Variants in STOX2 observed in about 807,000 individuals in gnomAD.
STOX2 encodes storkhead box 2.
A neutral mutation model predicts 60.9 loss-of-function variants in STOX2; 28 were observed. The ratio of observed to expected loss-of-function variants is 0.46; its 90% CI spans 0.34 to 0.63. STOX2 has a LOEUF of 0.63. Among genes scored for constraint, STOX2 ranks in the 30% least tolerant of loss-of-function variants. STOX2 has a pLI of 0.01. For synonymous variants in STOX2, 472 were observed against 463.9 expected, an observed-to-expected ratio of 1.02 and a Z score of -0.22; for missense variants, 1,024 against 1,187.7, an observed-to-expected ratio of 0.86 and a Z score of 2.03.
chr4:183,875,492 G>C (rs576182320), intron 1 of STOX2, among the ~76,000 whole-genome samples: 3 of 152,188 alleles, frequency 2.0e-5, no homozygotes, highest in African/African-American at 7.2e-5. Flanking sequence ...TGTGATAGTC[G>C]GGACTGTGTT....
chr4:183,955,990 C>T (rs1310188320), intron 1 of STOX2, among the ~76,000 whole-genome samples: 1 of 152,068 alleles, frequency 6.6e-6, no homozygotes, highest in Non-Finnish European at 1.5e-5. Flanking sequence ...TCACATAACC[C>T]TATTTCATTC....
chr4:183,989,333 G>A (rs1036988538), intron 1 of STOX2, among the ~76,000 whole-genome samples: 8 of 152,062 alleles, frequency 5.3e-5, no homozygotes, highest in Non-Finnish European at 1.0e-4. Flanking sequence ...CTCTTGAGTA[G>A]CTGGGATTAC....
chr4:183,896,734 G>A (rs540349559), intron 1 of STOX2, among the ~76,000 whole-genome samples: 1 of 152,322 alleles, frequency 6.6e-6, no homozygotes, highest in South Asian at 2.1e-4. Flanking sequence ...ATTTTGTAAC[G>A]AGTTTGGGAG....
Position 183,905,940 on chromosome 4 carries a change from G to A in STOX2, c.-851G>A, listed in dbSNP as rs1030753361. ...ATGTGTAGGGGGCACATGCGTGTCG[G>A]CGCACCCACCCAGCCATCCACCCGC... On this transcript the variant is annotated 5_prime_UTR_variant, in exon 1 of 4. Transcript: ENST00000308497. The A allele has an allele frequency of 6.6e-6, 1 of 152,290 alleles. No homozygotes were observed. The highest frequency in any genetic ancestry group is 1.5e-5 in the Non-Finnish European group (1 of 68,112). 9.4% of individuals were successfully genotyped at this position (152,290 alleles called of 1,614,324 possible).
At chr4:183,852,296 G>GAAAGGATGAGAGAAAGGATGAGA in intron 1 of STOX2, among the ~76,000 whole-genome samples, 1 of 91,952 alleles carries the variant, frequency 1.1e-5, no homozygotes, top group South Asian at 3.8e-4. Flanking sequence ...AAAGGATGAG[G>GAAAGGATGAGAGAAAGGATGAGA]GAAAGGATGA....
At chr4:183,945,258 G>T (rs1022146154) in intron 1 of STOX2, among the ~76,000 whole-genome samples, 7 of 152,136 alleles carry the variant, frequency 4.6e-5, no homozygotes, top group Non-Finnish European at 1.0e-4. Context: ...GAACGTAGGA[G>T]AATTTCAGTT....
At chr4:183,937,304 A>G (rs568621811) in intron 1 of STOX2, among the ~76,000 whole-genome samples, 1 of 152,332 alleles carries the variant, frequency 6.6e-6, no homozygotes, top group East Asian at 1.9e-4. Flanking sequence ...CTCCTAGTTA[A>G]TGTCAGTTTC....
chr4:183,871,206 C>T (rs1203498190), intron 1 of STOX2, among the ~76,000 whole-genome samples: 1 of 152,144 alleles, frequency 6.6e-6, no homozygotes, highest in Non-Finnish European at 1.5e-5. Context: ...TGTGCCCACA[C>T]CTTGTTAACT....
chr4:183,867,326 A>G (rs1740591721), intron 1 of STOX2, among the ~76,000 whole-genome samples: 1 of 152,262 alleles, frequency 6.6e-6, no homozygotes, highest in African/African-American at 2.4e-5. Flanking sequence ...TGCCCAGAGG[A>G]TAAACAGAGA....
Position 183,816,319 on chromosome 4 carries a change from T to C in STOX2, c.364+18264T>C, listed in dbSNP as rs149362476. Among the ~76,000 whole-genome samples, 568 of 152,326 alleles carry C rather than the reference T, an allele frequency of 3.7e-3. 3 individuals are homozygous for C. Among genetic ancestry groups the C allele is most frequent in the African/African-American group, 0.013 (549 of 41,570 alleles). On this transcript the variant is annotated intron_variant, in intron 1 of 2. Transcript: ENST00000513034. ...TAAAGCATGGAATACTATGCAGCCA[T>C]AAACAAGAATGAAATCATGTCCTTT... is the stretch of plus-strand genomic sequence containing the variant.
At chr4:183,919,691 T>C (rs1043759046) in intron 1 of STOX2, among the ~76,000 whole-genome samples, 2 of 151,884 alleles carry the variant, frequency 1.3e-5, no homozygotes, top group East Asian at 1.9e-4. Context: ...CTGCAACCTC[T>C]ACCTCCTGGG....
chr4:183,875,171 C>G (rs1461032007), intron 1 of STOX2, among the ~76,000 whole-genome samples: 2 of 151,352 alleles, frequency 1.3e-5, no homozygotes, highest in African/African-American at 4.9e-5. Flanking sequence ...AAGTAGTCAC[C>G]AACAATGCCC....
At chr4:183,840,323 A>G (rs1560840012) in intron 1 of STOX2, among the ~76,000 whole-genome samples, 1 of 152,294 alleles carries the variant, frequency 6.6e-6, no homozygotes, top group East Asian at 1.9e-4. Context: ...TTCTGTTACA[A>G]ATGTCTTTTC....
At chr4:183,998,723 G>A (rs566623247) in intron 1 of STOX2, among the ~76,000 whole-genome samples, 2 of 151,936 alleles carry the variant, frequency 1.3e-5, no homozygotes, top group African/African-American at 4.8e-5. Context: ...TGTATTTTTT[G>A]TAGAGATGGG....
intron 1 of STOX2, among the ~76,000 whole-genome samples, chr4:183,951,449 T>C (rs1165733728): frequency 1.4e-5 from 2 of 139,378 alleles, no homozygotes; most frequent in African/African-American, 5.3e-5. Flanking sequence ...TCTCTCTTTT[T>C]TTTTTTTTTT....
intron 1 of STOX2, among the ~76,000 whole-genome samples, chr4:183,990,609 T>C (rs1733068528): frequency 1.0e-5 from 1 of 95,876 alleles, no homozygotes; most frequent in Non-Finnish European, 2.0e-5. Flanking sequence ...TTTTTTTTTT[T>C]TTTTTTGGTC....
intron 1 of STOX2, among the ~76,000 whole-genome samples, chr4:183,867,386 G>A (rs1294991273): frequency 6.6e-6 from 1 of 152,204 alleles, no homozygotes; most frequent in African/African-American, 2.4e-5. Context: ...CACTTCTTAA[G>A]CCGAGAGCCC....
intron 1 of STOX2, 60 bp downstream of exon 1, chr4:183,907,016 C>A: frequency 7.1e-7 from 1 of 1,416,026 alleles, no homozygotes; most frequent in South Asian, 1.4e-5. Context: ...CTCGGTACGC[C>A]GCGGCCCGGG....
chr4:183,993,251 C>T (rs913223325), intron 1 of STOX2, among the ~76,000 whole-genome samples: 16 of 152,304 alleles, frequency 1.1e-4, no homozygotes, highest in South Asian at 4.2e-4. Flanking sequence ...ATGTGACTAA[C>T]GAAAGGTTGC....
Sources: allele counts gnomAD v4.1 joint callset (sites outside exome capture counted in the v4.1 genomes callset), GRCh38; gene constraint gnomAD v4.1.1; transcripts MANE v1.5; gene names NCBI Gene and HGNC (gene_info 2026-07-23, HGNC 2026-07-21).